The following CCSER1 variants were observed in gnomAD, a reference collection of about 807,000 sequenced individuals.
CCSER1 encodes coiled-coil serine rich protein 1, also known as serine-rich coiled-coil domain-containing protein 1.
A neutral mutation model predicts 82.0 loss-of-function variants in CCSER1; 41 were observed. The ratio of observed to expected loss-of-function variants is 0.50; its 90% CI spans 0.39 to 0.65. The LOEUF is 0.65. CCSER1 is among the 30% of genes least tolerant of loss of function. The probability of loss-of-function intolerance (pLI) is 0.00; values close to 1 mark genes in which losing one functional copy is unlikely to be tolerated. For missense variants in CCSER1, 1,119 were observed against 1,064.2 expected, an observed-to-expected ratio of 1.05 and a Z score of -0.72; for synonymous variants, 414 against 383.9, an observed-to-expected ratio of 1.08 and a Z score of -0.92.
intron 9 of CCSER1, among the ~76,000 whole-genome samples, chr4:91,054,302 C>A (rs1468829140): frequency 6.6e-6 from 1 of 152,172 alleles, no homozygotes; most frequent in Non-Finnish European, 1.5e-5. Flanking sequence ...TCAAATCGCT[C>A]AAATTCACCT....
chr4:90,421,589 T>C (rs1756697314), intron 4 of CCSER1, among the ~76,000 whole-genome samples: 1 of 152,188 alleles, frequency 6.6e-6, no homozygotes, highest in African/African-American at 2.4e-5. Context: ...AGTATGAATG[T>C]GGTTTAAGGC....
chr4:90,234,188 C>T (rs1328227354), intron 1 of CCSER1, among the ~76,000 whole-genome samples: 1 of 150,464 alleles, frequency 6.6e-6, no homozygotes, highest in African/African-American at 2.4e-5. Flanking sequence ...CTGGGTGGGC[C>T]TCTGCGTACC....
chr4:91,304,278 A>C (rs931727133), intron 10 of CCSER1, among the ~76,000 whole-genome samples: 1 of 152,100 alleles, frequency 6.6e-6, no homozygotes, highest in Non-Finnish European at 1.5e-5. Flanking sequence ...ACCACAAAAA[A>C]ATCTATAATT....
rs982673538 is a variant in CCSER1 at position 90,291,730 on chromosome 4, T to G, written c.-41-16514T>G. Among the ~76,000 whole-genome samples the G allele has an allele frequency of 2.0e-5, 3 of 151,968 alleles. No homozygotes were observed. In the Admixed American group the frequency reaches 2.0e-4, roughly 10 times the overall value. On this transcript the variant is annotated intron_variant, in intron 1 of 10. Transcript: ENST00000509176. Reference sequence around the variant, plus strand: ...ACTCCTTTTAAAAAAACTTTTAAAGTCAAAGAACAATATAGGCAATATGCT... The same window carrying G: ...ACTCCTTTTAAAAAAACTTTTAAAGGCAAAGAACAATATAGGCAATATGCT...
At chr4:90,417,519 T>C (rs1756000814) in intron 4 of CCSER1, among the ~76,000 whole-genome samples, 1 of 152,092 alleles carries the variant, frequency 6.6e-6, no homozygotes, top group Non-Finnish European at 1.5e-5. Context: ...ATAAAAAGAA[T>C]GTAATGGTCA....
intron 8 of CCSER1, among the ~76,000 whole-genome samples, chr4:90,853,634 A>G (rs1464722738): frequency 1.3e-5 from 2 of 152,114 alleles, no homozygotes; most frequent in Non-Finnish European, 2.9e-5. Context: ...AGTATTTTTT[A>G]TTTATTACAA....
intron 4 of CCSER1, among the ~76,000 whole-genome samples, chr4:90,434,464 T>A (rs982193608): frequency 6.6e-6 from 1 of 152,274 alleles, no homozygotes; most frequent in South Asian, 2.1e-4. Flanking sequence ...GTAAAATTTA[T>A]TGGGAGCCAC....
intron 10 of CCSER1, among the ~76,000 whole-genome samples, chr4:91,466,349 T>C (rs1756906586): frequency 6.6e-6 from 1 of 152,158 alleles, no homozygotes; most frequent in African/African-American, 2.4e-5. Flanking sequence ...TGATGGGACG[T>C]AACTCAAAAT....
At chr4:91,589,079 G>T (rs1357665626) in intron 10 of CCSER1, among the ~76,000 whole-genome samples, 1 of 151,658 alleles carries the variant, frequency 6.6e-6, no homozygotes, top group Non-Finnish European at 1.5e-5. Flanking sequence ...TTATCAGTGG[G>T]TCAAGCTTAT....
At chr4:91,214,678 C>A (rs1268047537) in intron 10 of CCSER1, among the ~76,000 whole-genome samples, 2 of 152,102 alleles carry the variant, frequency 1.3e-5, no homozygotes, top group African/African-American at 4.8e-5. Flanking sequence ...AAAAGTCAGT[C>A]TCCATAAATG....
intron 3 of CCSER1, among the ~76,000 whole-genome samples, chr4:90,381,348 A>C (rs1749174068): frequency 6.6e-6 from 1 of 152,238 alleles, no homozygotes; most frequent in Non-Finnish European, 1.5e-5. Flanking sequence ...TTTATGAAAC[A>C]AATTTGAAAA....
At chr4:91,583,147 C>T (rs1311013804) in intron 10 of CCSER1, among the ~76,000 whole-genome samples, 1 of 151,142 alleles carries the variant, frequency 6.6e-6, no homozygotes. Context: ...AGAATAAATC[C>T]TTTTTAATGT....
At chr4:90,318,064 C>T (rs1404700768) in intron 3 of CCSER1, among the ~76,000 whole-genome samples, 1 of 152,144 alleles carries the variant, frequency 6.6e-6, no homozygotes, top group Non-Finnish European at 1.5e-5. Context: ...TACTGACTGC[C>T]TCCTCTTTCC....
chr4:91,318,110 C>T (rs1035711672), intron 10 of CCSER1, among the ~76,000 whole-genome samples: 3 of 151,872 alleles, frequency 2.0e-5, no homozygotes, highest in Non-Finnish European at 4.4e-5. Context: ...ATGGCCCATG[C>T]TCTGGGTGGG....
chr4:90,458,757 A>G (rs1181350379), intron 4 of CCSER1, among the ~76,000 whole-genome samples: 1 of 152,230 alleles, frequency 6.6e-6, no homozygotes, highest in Non-Finnish European at 1.5e-5. Flanking sequence ...GGAGCAGACT[A>G]CAGATGATGA....
intron 10 of CCSER1, among the ~76,000 whole-genome samples, chr4:91,411,310 T>C (rs984931883): frequency 2.0e-5 from 3 of 151,246 alleles, no homozygotes; most frequent in Non-Finnish European, 2.9e-5. Flanking sequence ...TCCTCATAGA[T>C]AGAATTTTTG....
chr4:90,474,742 C>T (rs895159318), intron 5 of CCSER1, among the ~76,000 whole-genome samples: 1 of 152,122 alleles, frequency 6.6e-6, no homozygotes, highest in Non-Finnish European at 1.5e-5. Context: ...CTGATAGTAG[C>T]TTGCACTAGG....
chr4:90,797,355 A>AT (rs1756179808), intron 7 of CCSER1, among the ~76,000 whole-genome samples: 1 of 151,984 alleles, frequency 6.6e-6, no homozygotes, highest in Non-Finnish European at 1.5e-5. Context: ...GCATCCCTTT[A>AT]TTTTGAACCT....
chr4:91,376,567 G>T (rs961167421), intron 10 of CCSER1, among the ~76,000 whole-genome samples: 1 of 152,028 alleles, frequency 6.6e-6, no homozygotes. Context: ...AATATGAAAT[G>T]ACAAGCATCA....
Sources: allele counts gnomAD v4.1 joint callset (sites outside exome capture counted in the v4.1 genomes callset), GRCh38; gene constraint gnomAD v4.1.1; transcripts MANE v1.5; gene names NCBI Gene and HGNC (gene_info 2026-07-23, HGNC 2026-07-21).